YIPF3: variants seen among roughly 807,000 people sequenced by gnomAD.
YIPF3 encodes Yip1 domain family member 3, also known as protein YIPF3.
In YIPF3, 18 loss-of-function variants were observed where a neutral mutation model predicts 40.3. That is an observed-to-expected ratio of 0.45 (90% CI 0.31 to 0.66). YIPF3 has a LOEUF of 0.66. YIPF3 is among the 30% of genes least tolerant of loss of function. The probability of loss-of-function intolerance (pLI) is 0.07; values close to 1 mark genes in which losing one functional copy is unlikely to be tolerated. For missense variants in YIPF3, 406 were observed against 452.2 expected, an observed-to-expected ratio of 0.90 and a Z score of 0.93; for synonymous variants, 190 against 179.6, an observed-to-expected ratio of 1.06 and a Z score of -0.46.
At chr6:43,513,704 A>T in intron 3 of YIPF3, 71 bp from the exon 4 acceptor site, 1 of 1,437,398 alleles carries the variant, frequency 7.0e-7, no homozygotes, top group Non-Finnish European at 9.3e-7. Flanking sequence ...CAAGGCCTGA[A>T]TTTTATTCAT....
At position 43,516,818 on chromosome 6, in the gene YIPF3, G is replaced by A. The variant is rs1385906093; in HGVS notation, c.-11C>T. 4 of 1,563,822 alleles carry A rather than the reference G, an allele frequency of 2.6e-6. No individual in the cohort carries two copies. Among genetic ancestry groups the A allele is most frequent in the Non-Finnish European group, 3.5e-6 (4 of 1,153,898 alleles). ...CGCTGTAGTTGCCATGTCCCTTGAG[G>A]GCTCCCGTCGCTGAAACCCGCGCTA... On this transcript the variant is annotated 5_prime_UTR_variant, in exon 1 of 9. Transcript: ENST00000372422.
At chr6:43,514,528 A>C (rs1792735375) in intron 3 of YIPF3, among the ~76,000 whole-genome samples, 1 of 152,196 alleles carries the variant, frequency 6.6e-6, no homozygotes, top group Non-Finnish European at 1.5e-5. Context: ...CTGGGATTTT[A>C]GCTAGGTTTT....
At chr6:43,513,774 G>C in intron 3 of YIPF3, 141 bp from the exon 4 acceptor site, 5 of 739,324 alleles carry the variant, frequency 6.8e-6, no homozygotes, top group Admixed American at 3.2e-5. Flanking sequence ...CGGTAGAACA[G>C]GGTAGTAAAG....
intron 3 of YIPF3, chr6:43,515,378 A>G: frequency 1.5e-6 from 1 of 651,054 alleles, no homozygotes; most frequent in Admixed American, 2.1e-5. Context: ...GTGACATCTG[A>G]GGTAGGTTTT....
intron 1 of YIPF3, chr6:43,516,352 G>A: frequency 2.5e-6 from 2 of 813,808 alleles, no homozygotes; most frequent in South Asian, 2.0e-5. Context: ...AAGACTAAAA[G>A]GCTGAAAAAG....
Position 43,512,022 on chromosome 6 carries a change from G to C in YIPF3, c.*145C>G, listed in dbSNP as rs1356027070. ...CTTGTGCCTTTCAGAAGTGCCGACA[G>C]GCATCAAGGAGGTACTTACGCAGCT... On this transcript the variant is annotated 3_prime_UTR_variant, in exon 9 of 9. Transcript: ENST00000372422. 7.7e-7 allele frequency: 1 copy of C among 1,305,634 alleles called. No homozygotes were observed. 80.9% of individuals were successfully genotyped at this position (1,305,634 alleles called of 1,614,324 possible).
chr6:43,515,493 A>G (rs948974079), intron 3 of YIPF3, 102 bp downstream of exon 3: 19 of 1,130,280 alleles, frequency 1.7e-5, no homozygotes, highest in Non-Finnish European at 2.5e-5. Context: ...TGGGGTCATG[A>G]AGACGGGGAG....
chr6:43,515,940 G>T lies in YIPF3; in HGVS notation c.237C>A (p.Phe79Leu). 1.2e-6 allele frequency: 2 copies of T among 1,613,230 alleles called. No individual in the cohort carries two copies. The highest frequency in any genetic ancestry group is 1.7e-6 in the Non-Finnish European group (2 of 1,179,516). The stretch of plus-strand genomic sequence containing the variant: ...GTCCCTTAAAGCCCTTCATGCCCAG[G>T]AACTCTCCATCCTCCTCTTCAGCAG... ...AAAAEEEDGE[F>L]LGMKGFKGQL... The change falls in exon 2 of 9, where the codon TTC becomes TTA. Residue 79 changes from phenylalanine to leucine, a missense_variant. Phe to Leu is a conservative substitution (Grantham distance 22). Coordinates refer to ENST00000372422, the MANE Select transcript of YIPF3 (RefSeq NM_015388.4).
At position 43,515,654 on chromosome 6, in the gene YIPF3, G is replaced by C. The variant is rs140780761; in HGVS notation, c.336C>G (p.Tyr112Ter). The C allele has an allele frequency of 6.2e-7, 1 of 1,613,968 alleles. No individual in the cohort carries two copies. Reference protein sequence around the residue: ...KRQASRAFSLYANIDILRPYF... With the variant: ...KRQASRAFSL ...AGGGTCTGAGGATGTCGATGTTGGC[G>C]TACAAGCTGAAGGCCCTGGAGGCTT... The change falls in exon 3 of 9, where the codon TAC (tyrosine) becomes TAG (stop). Residue 112 changes from tyrosine to a stop codon, truncating the protein, a stop_gained. Coordinates refer to ENST00000372422, the MANE Select transcript of YIPF3 (RefSeq NM_015388.4). LOFTEE classifies it high-confidence loss of function.
chr6:43,515,567 G>T, intron 3 of YIPF3, 28 bp downstream of exon 3: 1 of 1,611,508 alleles, frequency 6.2e-7, no homozygotes. Context: ...TGTTAGGAGG[G>T]AAGCTTCTTC....
rs201485810 is a variant in YIPF3 at position 43,515,869 on chromosome 6, G to A, written c.288+20C>T. On this transcript the variant is annotated intron_variant, in intron 2 of 8. Transcript: ENST00000372422. ...ACCTAGGTCTACTTTTCTACCTGCA[G>A]AGGATTCAATCTTGCTTACCTGATC... The A allele has an allele frequency of 7.6e-6, 12 of 1,586,126 alleles. No individual in the cohort carries two copies. The East Asian group carries it at 2.2e-4, about 30-fold the overall frequency.
At chr6:43,515,849 G>A (rs1582175403) in intron 2 of YIPF3, 40 bp downstream of exon 2, 1 of 1,584,928 alleles carries the variant, frequency 6.3e-7, no homozygotes. Flanking sequence ...GACATACCTA[G>A]GTCTACTTTT....
rs764341744 is a variant in YIPF3, at chr6:43,512,208, C to T, written c.1012G>A (p.Ala338Thr). 2.3e-5 allele frequency: 37 copies of T among 1,613,980 alleles called. No individual in the cohort carries two copies. The highest frequency in any genetic ancestry group is 6.7e-5 in the Admixed American group (4 of 59,994). Residue 338 changes from alanine to threonine, a missense_variant, in exon 9 of 9, where the codon GCC becomes ACC. Coordinates refer to ENST00000372422, the MANE Select transcript of YIPF3 (RefSeq NM_015388.4). ...AARLPTTVLN[A>T]TAKAVAVTLQ... is the part of the protein sequence containing the mutation. ...GTCACCGCAACAGCTTTGGCTGTGG[C>T]GTTGAGGACGGTGGTGGGAAGCCGA... is the stretch of plus-strand genomic sequence containing the variant.
At chr6:43,514,510 A>T (rs190964138) in intron 3 of YIPF3, among the ~76,000 whole-genome samples, 56 of 152,308 alleles carry the variant, frequency 3.7e-4, no homozygotes, top group African/African-American at 1.1e-3. Context: ...GCTAGCTCCT[A>T]ATCATACCTG....
At chr6:43,515,526 A>T in intron 3 of YIPF3, 69 bp downstream of exon 3, 1 of 1,544,400 alleles carries the variant, frequency 6.5e-7, no homozygotes, top group Middle Eastern at 1.9e-4. Context: ...CAGGGCTTGA[A>T]ATCTGACTGT....
rs375667481 is a variant in YIPF3 at position 43,515,601 on chromosome 6, C to A, written c.389G>T (p.Arg130Leu). ...TCAAGAGAAGGCTCCTCACCTGCTT[C>A]GCACCTGAGCAGGCTCCACATCAAA... is the stretch of plus-strand genomic sequence containing the variant. ...PYFDVEPAQV[R>L]SRLLESMIPI... Residue 130 changes from arginine (R) to leucine (L), a missense_variant, in exon 3 of 9, where the codon CGA becomes CTA. Arg to Leu is a moderately radical substitution (Grantham distance 102). Coordinates refer to ENST00000372422, the MANE Select transcript of YIPF3 (RefSeq NM_015388.4). 1 of 1,613,296 alleles carries A rather than the reference C, an allele frequency of 6.2e-7. No homozygotes were observed. Among genetic ancestry groups the A allele is most frequent in the Non-Finnish European group, 8.5e-7 (1 of 1,179,960 alleles).
At chr6:43,513,835 G>T in intron 3 of YIPF3, 1 of 495,280 alleles carries the variant, frequency 2.0e-6, no homozygotes. Context: ...TTACTTCCAG[G>T]AAGGACAACC....
intron 6 of YIPF3, 62 bp downstream of exon 6, chr6:43,513,007 G>A: frequency 2.5e-6 from 4 of 1,604,138 alleles, no homozygotes; most frequent in Non-Finnish European, 3.4e-6. Context: ...CAGGACAGAT[G>A]CCGACCAAGG....
chr6:43,516,190 G>A, intron 1 of YIPF3, 95 bp from the exon 2 acceptor site: 1 of 1,558,804 alleles, frequency 6.4e-7, no homozygotes, highest in Non-Finnish European at 8.7e-7. Flanking sequence ...TTCTTCCACT[G>A]CTGAGGATAC....
Sources: allele counts gnomAD v4.1 joint callset (sites outside exome capture counted in the v4.1 genomes callset), GRCh38; gene constraint gnomAD v4.1.1; transcripts MANE v1.5; gene names NCBI Gene and HGNC (gene_info 2026-07-23, HGNC 2026-07-21).